The following UST variants were observed in gnomAD, a reference collection of about 807,000 sequenced individuals.
UST encodes the protein uronyl 2-sulfotransferase.
A neutral mutation model predicts 45.6 loss-of-function variants in UST; 21 were observed. That is an observed-to-expected ratio of 0.46 (90% CI 0.33 to 0.66). The LOEUF (loss-of-function observed/expected upper bound fraction) is 0.66, where lower values mean the gene tolerates loss of function less well. UST is among the 30% of genes least tolerant of loss of function. The pLI, the probability that UST is intolerant of heterozygous loss-of-function variation, is 0.02. For synonymous variants in UST, 215 were observed against 200.6 expected (o/e 1.07, Z -0.61); for missense variants, 463 against 512.4 (o/e 0.90, Z 0.93).
intron 2 of UST, among the ~76,000 whole-genome samples, chr6:148,904,892 G>A (rs1779326989): frequency 6.6e-6 from 1 of 152,090 alleles, no homozygotes; most frequent in South Asian, 2.1e-4. Context: ...ATCTTGTAAG[G>A]CTTTCCTTGA....
intron 1 of UST, among the ~76,000 whole-genome samples, chr6:148,804,870 A>C (rs1166035767): frequency 6.6e-6 from 1 of 150,468 alleles, no homozygotes; most frequent in Non-Finnish European, 1.5e-5. Flanking sequence ...TATATGGTTC[A>C]TAAAATGAAA....
chr6:148,985,921 G>T (rs1320466627), intron 5 of UST, among the ~76,000 whole-genome samples: 2 of 152,224 alleles, frequency 1.3e-5, no homozygotes, highest in African/African-American at 4.8e-5. Flanking sequence ...AAATGCCTGT[G>T]AAGGGAAAAG....
chr6:148,805,731 C>A (rs1257341356), intron 1 of UST, among the ~76,000 whole-genome samples: 1 of 152,138 alleles, frequency 6.6e-6, no homozygotes, highest in African/African-American at 2.4e-5. Context: ...TCCTTCAGAT[C>A]ATTTGGCACT....
At position 148,846,299 on chromosome 6, in the gene UST, G is replaced by C. The variant is rs575941161; in HGVS notation, c.248-40687G>C. ...ATGATGAGTTCCTGTCCTTTGTAGG[G>C]ACATGGATGAAATTGGAAATCATCA... On this transcript the variant is annotated intron_variant, in intron 1 of 7. Transcript: ENST00000367463. Among the ~76,000 whole-genome samples the C allele has an allele frequency of 4.6e-3, 696 of 152,022 alleles. 4 individuals are homozygous for C. The highest frequency in any genetic ancestry group is 0.016 in the African/African-American group (663 of 41,498).
At chr6:148,860,941 A>T (rs994636313) in intron 1 of UST, among the ~76,000 whole-genome samples, 1 of 152,172 alleles carries the variant, frequency 6.6e-6, no homozygotes, top group East Asian at 1.9e-4. Context: ...CATCAGGGAT[A>T]TTGGTCTAAA....
intron 1 of UST, among the ~76,000 whole-genome samples, chr6:148,885,595 T>C (rs116495704): frequency 0.012 from 1,755 of 152,296 alleles, 42 homozygotes; most frequent in African/African-American, 0.04. Context: ...AACTGGACCC[T>C]GATGTTCCTT....
chr6:148,968,447 C>T (rs1004105996), intron 5 of UST, among the ~76,000 whole-genome samples: 5 of 152,182 alleles, frequency 3.3e-5, no homozygotes, highest in African/African-American at 1.2e-4. Flanking sequence ...TTCTTTTTGT[C>T]CAGAGCTGGA....
intron 7 of UST, among the ~76,000 whole-genome samples, chr6:149,051,541 A>G (rs1297027151): frequency 5.3e-5 from 8 of 152,226 alleles, no homozygotes; most frequent in Non-Finnish European, 1.0e-4. Context: ...GCATTTCATT[A>G]CTTAGTTAAA....
At chr6:148,833,822 C>T (rs1349245992) in intron 1 of UST, among the ~76,000 whole-genome samples, 3 of 152,158 alleles carry the variant, frequency 2.0e-5, no homozygotes, top group African/African-American at 7.2e-5. Flanking sequence ...TTTAAAACCA[C>T]CCATTTCATC....
At chr6:148,787,118 G>T (rs747901579) in intron 1 of UST, among the ~76,000 whole-genome samples, 5 of 152,150 alleles carry the variant, frequency 3.3e-5, no homozygotes, top group Non-Finnish European at 7.4e-5. Context: ...TTTGTGAGAT[G>T]TATAGATTGC....
intron 7 of UST, among the ~76,000 whole-genome samples, chr6:149,058,344 CA>C: frequency 7.9e-6 from 1 of 126,760 alleles, no homozygotes; most frequent in Non-Finnish European, 1.6e-5. Context: ...AAAGGAGGAG[CA>C]TGTGTGTGTG....
intron 1 of UST, among the ~76,000 whole-genome samples, chr6:148,863,822 A>T (rs1778367794): frequency 6.6e-6 from 1 of 152,204 alleles, no homozygotes; most frequent in African/African-American, 2.4e-5. Flanking sequence ...AACAGCAAAT[A>T]TTGCAGAACG....
chr6:149,060,999 G>A (rs1358328663), intron 7 of UST, among the ~76,000 whole-genome samples: 1 of 152,152 alleles, frequency 6.6e-6, no homozygotes, highest in Non-Finnish European at 1.5e-5. Flanking sequence ...GATTGTTAAG[G>A]GAAGAGGGCT....
chr6:148,894,850 G>A (rs1366535577), intron 2 of UST, among the ~76,000 whole-genome samples: 3 of 121,520 alleles, frequency 2.5e-5, no homozygotes, highest in African/African-American at 6.7e-5. Context: ...ATGGAGTCTC[G>A]CTCTATTGCC....
chr6:149,018,252 T>C (rs913509355), intron 5 of UST, among the ~76,000 whole-genome samples: 10 of 150,546 alleles, frequency 6.6e-5, no homozygotes, highest in African/African-American at 2.5e-4. Flanking sequence ...CACCCACACA[T>C]GTATATCAGA....
chr6:148,852,878 T>A (rs1247541746), intron 1 of UST, among the ~76,000 whole-genome samples: 1 of 152,160 alleles, frequency 6.6e-6, no homozygotes, highest in Admixed American at 6.5e-5. Context: ...AACCCCCATG[T>A]GTTATGCCCA....
At chr6:148,993,406 C>T (rs1331680896) in intron 5 of UST, among the ~76,000 whole-genome samples, 1 of 151,652 alleles carries the variant, frequency 6.6e-6, no homozygotes, top group Non-Finnish European at 1.5e-5. Context: ...TATATTGAAA[C>T]TTTATTTTTC....
At chr6:148,910,134 CTTTTT>C (rs148286486) in intron 2 of UST, among the ~76,000 whole-genome samples, 84 of 103,436 alleles carry the variant, frequency 8.1e-4, no homozygotes, top group Admixed American at 1.3e-3. Context: ...GCCTGGGATG[CTTTTT>C]TTTTTTTTTT....
At chr6:148,870,104 T>A (rs1778519112) in intron 1 of UST, among the ~76,000 whole-genome samples, 1 of 141,448 alleles carries the variant, frequency 7.1e-6, no homozygotes, top group Non-Finnish European at 1.5e-5. Flanking sequence ...TGGTAATGTT[T>A]CACACACACA....
Sources: gnomAD v4.1 joint callset for allele counts (sites outside exome capture counted in the v4.1 genomes callset) on GRCh38, gnomAD v4.1.1 for gene constraint, MANE v1.5 for transcripts, NCBI Gene and HGNC (gene_info 2026-07-23, HGNC 2026-07-21) for gene names.